ZNF511: variants seen among roughly 807,000 people sequenced by gnomAD.
ZNF511 encodes the protein zinc finger protein 511.
A neutral mutation model predicts 24.8 loss-of-function variants in ZNF511; 26 were observed. The observed-to-expected ratio is 1.05, with a 90% CI of 0.77 to 1.46. ZNF511 has a LOEUF of 1.46. ZNF511 is among the 40% of genes most tolerant of loss of function. ZNF511 has a pLI of 0.00. For missense variants in ZNF511, 358 were observed against 345.0 expected, an observed-to-expected ratio of 1.04 and a Z score of -0.30; for synonymous variants, 144 against 139.6, an observed-to-expected ratio of 1.03 and a Z score of -0.22.
At position 133,311,839 on chromosome 10, in the gene ZNF511, T is replaced by A. The variant is rs1203399670; in HGVS notation, c.678T>A (p.His226Gln). 1 of 1,613,220 alleles carries A rather than the reference T, an allele frequency of 6.2e-7. No individual in the cohort carries two copies. The highest frequency in any genetic ancestry group is 1.3e-5 in the African/African-American group (1 of 74,934). Residue 226 changes from histidine to glutamine, a missense_variant and splice_region_variant, in exon 5 of 6, where the codon CAT becomes CAA. Physicochemically the swap from His to Gln is conservative, Grantham distance 24 (BLOSUM62 0). Transcript: ENST00000361518. ...APAGERRIYR[H>Q]RIPSTICFGQ... ...CAGGTGAGAGGCGGATCTACAGACA[T>A]AGGTCAGTGTCTGAGCTCTTTCTGA...
At chr10:133,311,299 T>G (rs1014206900) in intron 4 of ZNF511, among the ~76,000 whole-genome samples, 2 of 152,222 alleles carry the variant, frequency 1.3e-5, no homozygotes, top group African/African-American at 2.4e-5. Flanking sequence ...TGTAAAGTAA[T>G]TGTCTCCTTT....
chr10:133,309,484 T>C, intron 2 of ZNF511, 21 bp downstream of exon 2: 1 of 1,607,508 alleles, frequency 6.2e-7, no homozygotes, highest in South Asian at 1.1e-5. Context: ...GGGCAGTGCC[T>C]AGCCAGTGCT....
rs1589845430 is a variant in ZNF511, at chr10:133,313,051, G to C, written c.*185G>C. 4 of 1,427,934 alleles carry C rather than the reference G, an allele frequency of 2.8e-6. No individual in the cohort carries two copies. In the South Asian group the frequency reaches 5.9e-5, roughly 21 times the overall value. 88.5% of individuals were successfully genotyped at this position (1,427,934 alleles called of 1,614,324 possible). A position where few individuals can be genotyped will look rare whatever the true frequency, so the allele number is the denominator to read the frequency against. ...AGCTGTGAGGGACCCACAGATTTTG[G>C]AAACGACCTGGACACACTATTGGGA... On this transcript the variant is annotated 3_prime_UTR_variant, in exon 6 of 6. Transcript: ENST00000361518.
At position 133,312,817 on chromosome 10, in the gene ZNF511, G is replaced by A. The variant is rs1011030916; in HGVS notation, c.710G>A (p.Gly237Asp). ...RIPSTICFGQGAARGFKSNKK... is the reference protein window; with the variant it reads ...RIPSTICFGQDAARGFKSNKK... ...CCCTCTACCATCTGCTTTGGTCAGG[G>A]TGCCGCTCGAGGATTTAAAAGCAAC... The change falls in exon 6 of 6, where the codon GGT (glycine) becomes GAT (aspartate). Residue 237 changes from glycine to aspartate, a missense_variant. Gly to Asp is a moderately conservative substitution (Grantham distance 94). Transcript: ENST00000361518. 2.5e-6 allele frequency: 4 copies of A among 1,614,222 alleles called. No individual in the cohort carries two copies. The highest frequency in any genetic ancestry group is 2.5e-6 in the Non-Finnish European group (3 of 1,180,040).
chr10:133,312,704 GAGA>G (rs1241900574), intron 5 of ZNF511, 81 bp from the exon 6 acceptor site: 7 of 1,603,544 alleles, frequency 4.4e-6, no homozygotes, highest in Non-Finnish European at 6.0e-6. Context: ...GAAAGAGAAT[GAGA>G]AGGAGACACA....
Position 133,308,989 on chromosome 10 carries a change from G to C in ZNF511, c.46G>C (p.Gly16Arg). 1 of 1,246,102 alleles carries C rather than the reference G, an allele frequency of 8.0e-7. No homozygotes were observed. 77.2% of individuals were successfully genotyped at this position (1,246,102 alleles called of 1,614,324 possible). Residue 16 changes from glycine (G) to arginine (R), a missense_variant, in exon 1 of 6, where the codon GGG (glycine) becomes CGG (arginine). Physicochemically the swap from Gly to Arg is moderately radical, Grantham distance 125 (BLOSUM62 -2). Transcript: ENST00000361518. ...GTGCGCCCGCCTCGCTGCGGGGCCC[G>C]GGGCGGCGGAGCCGCTGCCTGTAGA... ...ALCARLAAGP[G>R]AAEPLPVERD...
Position 133,309,908 on chromosome 10 carries a change from C to T in ZNF511, c.360C>T (p.His120=). 3.1e-6 allele frequency: 5 copies of T among 1,613,682 alleles called. No homozygotes were observed. The highest frequency in any genetic ancestry group is 4.2e-6 in the Non-Finnish European group (5 of 1,180,026). Residue 120 remains histidine (H), a synonymous_variant, in exon 3 of 6, where the codon CAC becomes CAT. Transcript: ENST00000361518. ...GCAAGCGGGCCTTCCCTTCCGGACA[C>T]CTGCTGGACGCCCACATCCTGGAGT... ...SFCKRAFPSG[H]LLDAHILEWH...
At chr10:133,311,624 A>G (rs1350906603) in intron 4 of ZNF511, 92 bp from the exon 5 acceptor site, 1 of 1,119,242 alleles carries the variant, frequency 8.9e-7, no homozygotes, top group Admixed American at 2.2e-5. Context: ...ACTTACAGGG[A>G]AATCCAGTTT....
intron 4 of ZNF511, 25 bp downstream of exon 4, chr10:133,310,313 G>T: frequency 6.2e-7 from 1 of 1,612,578 alleles, no homozygotes. Context: ...GGCTCAGCAC[G>T]TGTCTGCTTT....
At position 133,313,069 on chromosome 10, in the gene ZNF511, TA is replaced by T; in HGVS notation, c.*204del. 1 of 1,366,932 alleles carries T rather than the reference TA, an allele frequency of 7.3e-7. No individual in the cohort carries two copies. Among genetic ancestry groups the T allele is most frequent in the Non-Finnish European group, 9.6e-7 (1 of 1,044,520 alleles). The allele number at this position is 1,366,932 out of a possible 1,614,324, so 84.7% of individuals were successfully genotyped here. ...GATTTTGGAAACGACCTGGACACAC[TA>T]TTGGGAAGGAGATGTGGACGGCCTG... On this transcript the variant is annotated 3_prime_UTR_variant, in exon 6 of 6. Coordinates refer to ENST00000361518, the MANE Select transcript of ZNF511 (RefSeq NM_145806.4).
At chr10:133,312,604 C>A in intron 5 of ZNF511, 184 bp from the exon 6 acceptor site, 1 of 1,480,002 alleles carries the variant, frequency 6.8e-7, no homozygotes, top group South Asian at 1.4e-5. Flanking sequence ...CTGGCGGGGA[C>A]CCCCCACAGG....
At position 133,309,031 on chromosome 10, in the gene ZNF511, G is replaced by A; in HGVS notation, c.88G>A (p.Gly30Arg). Residue 30 changes from glycine (G) to arginine (R), a missense_variant, in exon 1 of 6, where the codon GGG becomes AGG. Physicochemically the swap from Gly to Arg is moderately radical, Grantham distance 125. Coordinates refer to ENST00000361518, the MANE Select transcript of ZNF511 (RefSeq NM_145806.4). ...PLPVERDPAA[G>R]AAPFRFVARP... Reference sequence around the variant, plus strand: ...GCCTGTAGAGCGGGATCCCGCGGCTGGGGCCGCGCCCTTTCGCTTCGTTGC... The same window carrying A: ...GCCTGTAGAGCGGGATCCCGCGGCTAGGGCCGCGCCCTTTCGCTTCGTTGC... 3 of 1,264,290 alleles carry A rather than the reference G, an allele frequency of 2.4e-6. No homozygotes were observed. Among genetic ancestry groups the A allele is most frequent in the Non-Finnish European group, 3.0e-6 (3 of 998,594 alleles). The allele number at this position is 1,264,290 out of a possible 1,614,324, so 78.3% of individuals were successfully genotyped here.
rs1022564047 is a variant in ZNF511 at position 133,309,163 on chromosome 10, C to T, written c.153+67C>T. The T allele has an allele frequency of 3.3e-5, 45 of 1,375,734 alleles. No individual in the cohort carries two copies. The African/African-American group carries it at 4.3e-4, about 13-fold the overall frequency. The allele number at this position is 1,375,734 out of a possible 1,614,324, so 85.2% of individuals were successfully genotyped here. A position where few individuals can be genotyped will look rare whatever the true frequency, so the allele number is the denominator to read the frequency against. On this transcript the variant is annotated intron_variant, in intron 1 of 5. Coordinates refer to ENST00000361518, the MANE Select transcript of ZNF511 (RefSeq NM_145806.4). ...TGGGGCCTACGGCGGCGAGGCGGGGCCGGAGCCTGGAGTGGGAGGGGCCTA... is the reference window on the plus strand; with the variant it reads ...TGGGGCCTACGGCGGCGAGGCGGGGTCGGAGCCTGGAGTGGGAGGGGCCTA...
rs575896548 is a variant in ZNF511 at position 133,312,943 on chromosome 10, G to C, written c.*77G>C. On this transcript the variant is annotated 3_prime_UTR_variant, in exon 6 of 6. Transcript: ENST00000361518. ...GCCTTGGGCCTTTCTCCGACCTTCTGGTGTGGCCGCCCTGGGGGCCAGGCC... is the reference window on the plus strand; with the variant it reads ...GCCTTGGGCCTTTCTCCGACCTTCTCGTGTGGCCGCCCTGGGGGCCAGGCC... The C allele has an allele frequency of 6.2e-5, 99 of 1,604,004 alleles. No homozygotes were observed. The Middle Eastern group carries it at 9.3e-4, about 15-fold the overall frequency.
Position 133,311,717 on chromosome 10 carries a change from C to T in ZNF511, c.556C>T (p.Pro186Ser). Residue 186 changes from proline (P) to serine (S), a missense_variant and splice_region_variant, in exon 5 of 6, where the codon CCA becomes TCA. Transcript: ENST00000361518. ...RFDKPKKSRS[P>S]ASAEAPGDSG... is the part of the protein sequence containing the mutation. ...TTACTCACTGCTCTCTCCCCGCAGC[C>T]CAGCCTCAGCAGAAGCCCCAGGGGA... 2.5e-6 allele frequency: 4 copies of T among 1,611,852 alleles called. No homozygotes were observed. The highest frequency in any genetic ancestry group is 3.4e-6 in the Non-Finnish European group (4 of 1,178,808).
At chr10:133,310,614 C>G (rs1006590040) in intron 4 of ZNF511, 2 of 349,842 alleles carry the variant, frequency 5.7e-6, no homozygotes, top group Non-Finnish European at 1.1e-5. Flanking sequence ...AGCAGTCGGC[C>G]GTGGTCATCC....
chr10:133,312,679 G>C, intron 5 of ZNF511, 109 bp from the exon 6 acceptor site: 2 of 1,581,178 alleles, frequency 1.3e-6, no homozygotes, highest in Non-Finnish European at 1.7e-6. Context: ...TCTGCATTCC[G>C]CATGTTCCCA....
In ZNF511 at chr10:133,312,898, C is replaced by T; in HGVS notation, c.*32C>T. 9 of 1,613,768 alleles carry T rather than the reference C, an allele frequency of 5.6e-6. No individual in the cohort carries two copies. Among genetic ancestry groups the T allele is most frequent in the South Asian group, 2.2e-5 (2 of 91,078 alleles). On this transcript the variant is annotated 3_prime_UTR_variant, in exon 6 of 6. Transcript: ENST00000361518. The stretch of plus-strand genomic sequence containing the variant: ...CAGAAAAGGAGTGGGGGGCAGTCAC[C>T]ACTGCTGGGCGTGGCATCCGCCTTG...
At chr10:133,311,528 G>A in intron 4 of ZNF511, 188 bp from the exon 5 acceptor site, 4 of 577,186 alleles carry the variant, frequency 6.9e-6, no homozygotes, top group Non-Finnish European at 9.2e-6. Flanking sequence ...TATAAACAAT[G>A]GCCTTGCTGT....
Sources: allele counts gnomAD v4.1 joint callset (sites outside exome capture counted in the v4.1 genomes callset), GRCh38; gene constraint gnomAD v4.1.1; transcripts MANE v1.5; gene names NCBI Gene and HGNC (gene_info 2026-07-23, HGNC 2026-07-21).